The following C1orf54 variants were observed in gnomAD, a reference collection of about 807,000 sequenced individuals.
The protein encoded by C1orf54 is chromosome 1 open reading frame 54, also known as uncharacterized protein C1orf54.
C1orf54 carries 12 observed loss-of-function variants against 14.7 expected under a neutral mutation model. The ratio of observed to expected loss-of-function variants is 0.82; its 90% CI spans 0.52 to 1.32. C1orf54 has a LOEUF of 1.32. C1orf54 is among the 40% of genes most tolerant of loss of function. The probability of loss-of-function intolerance (pLI) is 0.00; values close to 1 mark genes in which losing one functional copy is unlikely to be tolerated. For missense variants in C1orf54, 163 were observed against 162.2 expected, an observed-to-expected ratio of 1.00 and a Z score of -0.03; for synonymous variants, 65 against 56.3, an observed-to-expected ratio of 1.16 and a Z score of -0.70.
chr1:150,274,742 G>C (rs1225322412), intron 2 of C1orf54, among the ~76,000 whole-genome samples: 1 of 151,772 alleles, frequency 6.6e-6, no homozygotes, highest in Non-Finnish European at 1.5e-5. Context: ...GTGAAACCCT[G>C]TCTCTACTAA....
In C1orf54 at chr1:150,272,824, G is replaced by A; in HGVS notation, c.7G>A (p.Val3Ile). The A allele has an allele frequency of 1.9e-6, 3 of 1,614,164 alleles. No homozygotes were observed. The African/African-American group carries it at 4.0e-5, about 22-fold the overall frequency. The change falls in exon 1 of 6, where the codon GTC (valine) becomes ATC (isoleucine). Residue 3 changes from valine (V) to isoleucine (I), a missense_variant. Coordinates refer to ENST00000369099, the MANE Select transcript of C1orf54 (RefSeq NM_024579.4). ...CAATAGTGCAGAATCCAGAATGGAT[G>A]TCCTCTTTGTAGCCATCTTTGCTGT... Reference protein sequence around the residue: MDVLFVAIFAVPL... With the variant: MDILFVAIFAVPL...
At chr1:150,270,995 C>CTATTAA (rs1164687166), upstream of C1orf54, among the ~76,000 whole-genome samples, 1 of 94,600 alleles carries the variant, frequency 1.1e-5, no homozygotes. Context: ...GACTCCGTCT[C>CTATTAA]AAAAAAAAAA....
upstream of C1orf54, among the ~76,000 whole-genome samples, chr1:150,270,141 T>C (rs1439442854): frequency 6.6e-6 from 1 of 151,942 alleles, no homozygotes; most frequent in Non-Finnish European, 1.5e-5. Context: ...AATCTGAGGA[T>C]GGAAAAGAGG....
At chr1:150,270,248 T>C (rs1185945705), upstream of C1orf54, among the ~76,000 whole-genome samples, 1 of 152,166 alleles carries the variant, frequency 6.6e-6, no homozygotes, top group Non-Finnish European at 1.5e-5. Context: ...CTTTCCTTCC[T>C]GGAAGTGATT....
At chr1:150,277,773 A>G (rs1195662227) in intron 4 of C1orf54, among the ~76,000 whole-genome samples, 1 of 152,180 alleles carries the variant, frequency 6.6e-6, no homozygotes, top group Non-Finnish European at 1.5e-5. Context: ...TAAGTTCTTC[A>G]TTATGGTAAA....
intron 4 of C1orf54, 115 bp from the exon 5 acceptor site, chr1:150,279,528 A>T: frequency 1.0e-6 from 1 of 968,654 alleles, no homozygotes; most frequent in Non-Finnish European, 1.6e-6. Context: ...CTAAGCCCAA[A>T]GGAAAGGAAG....
intron 4 of C1orf54, among the ~76,000 whole-genome samples, chr1:150,277,776 A>G (rs587623439): frequency 3.9e-5 from 6 of 152,236 alleles, no homozygotes; most frequent in South Asian, 4.2e-4. Context: ...GTTCTTCATT[A>G]TGGTAAAAAC....
intron 5 of C1orf54, among the ~76,000 whole-genome samples, chr1:150,280,578 G>A (rs1247173245): frequency 6.6e-6 from 1 of 152,188 alleles, no homozygotes; most frequent in East Asian, 1.9e-4. Context: ...GGCGGTGGGA[G>A]AGAAGGGAAG....
At chr1:150,276,839 T>TA (rs1307899311) in intron 4 of C1orf54, among the ~76,000 whole-genome samples, 3 of 152,200 alleles carry the variant, frequency 2.0e-5, no homozygotes, top group Non-Finnish European at 4.4e-5. Context: ...ATGGTACAGT[T>TA]AAATTTCAGT....
At chr1:150,277,254 T>G (rs1212175897) in intron 4 of C1orf54, among the ~76,000 whole-genome samples, 2 of 152,010 alleles carry the variant, frequency 1.3e-5, no homozygotes, top group Admixed American at 6.6e-5. Flanking sequence ...TCCCAGCACT[T>G]TGGGGAGGCC....
intron 1 of C1orf54, among the ~76,000 whole-genome samples, 171 bp from the exon 2 acceptor site, chr1:150,273,916 G>C (rs587708261): frequency 5.9e-5 from 9 of 152,292 alleles, no homozygotes; most frequent in African/African-American, 2.2e-4. Flanking sequence ...AAGACTGAGA[G>C]GGGTGTAGAG....
intron 1 of C1orf54, 29 bp downstream of exon 1, chr1:150,272,892 G>A (rs781825407): frequency 6.2e-7 from 1 of 1,613,384 alleles, no homozygotes; most frequent in East Asian, 2.2e-5. Context: ...CTGAGCTTTT[G>A]TGCCAGGTCT....
Position 150,279,659 on chromosome 1 carries a change from A to C in C1orf54, c.317A>C (p.Asp106Ala). 1 of 1,612,566 alleles carries C rather than the reference A, an allele frequency of 6.2e-7. No homozygotes were observed. Among genetic ancestry groups the C allele is most frequent in the Non-Finnish European group, 8.5e-7 (1 of 1,179,360 alleles). The change falls in exon 5 of 6, where the codon GAT becomes GCT. Residue 106 changes from aspartate (D) to alanine (A), a missense_variant. Physicochemically the swap from Asp to Ala is moderately radical, Grantham distance 126 (BLOSUM62 -2). Coordinates refer to ENST00000369099, the MANE Select transcript of C1orf54 (RefSeq NM_024579.4). ...TTTTAGCAGAGTCCAGATCTGAACG[A>C]TGCCGTGTCCAGTTTGCGAAGTCCT... ...VTTEPSPDLNDAVSSLRSPIP... is the reference protein window; with the variant it reads ...VTTEPSPDLNAAVSSLRSPIP...
At chr1:150,275,970 C>T (rs112309246) in intron 3 of C1orf54, among the ~76,000 whole-genome samples, 171 bp downstream of exon 3, 2 of 152,088 alleles carry the variant, frequency 1.3e-5, no homozygotes, top group Non-Finnish European at 2.9e-5. Flanking sequence ...AACCCCGTCT[C>T]TACTAAAAAT....
At chr1:150,279,490 A>T in intron 4 of C1orf54, 153 bp from the exon 5 acceptor site, 1 of 722,544 alleles carries the variant, frequency 1.4e-6, no homozygotes, top group Non-Finnish European at 2.3e-6. Flanking sequence ...AGGACTCCTT[A>T]CAGTGATGGG....
At chr1:150,273,607 G>C (rs1652385840) in intron 1 of C1orf54, among the ~76,000 whole-genome samples, 1 of 152,210 alleles carries the variant, frequency 6.6e-6, no homozygotes, top group Non-Finnish European at 1.5e-5. Context: ...GGATTGTTCA[G>C]GGTTATTCTG....
intron 1 of C1orf54, among the ~76,000 whole-genome samples, chr1:150,273,798 G>A (rs782165366): frequency 3.4e-4 from 52 of 152,180 alleles, no homozygotes; most frequent in Non-Finnish European, 6.5e-4. Context: ...TTTAGGTCTG[G>A]TTCTCCCTTT....
upstream of C1orf54, among the ~76,000 whole-genome samples, chr1:150,270,091 T>C (rs1453190680): frequency 6.6e-6 from 1 of 151,904 alleles, no homozygotes; most frequent in Non-Finnish European, 1.5e-5. Flanking sequence ...CTCATTTGGA[T>C]GGGGAGAGGT....
At chr1:150,268,927 A>C (rs1276522672), upstream of C1orf54, 3 of 836,672 alleles carry the variant, frequency 3.6e-6, no homozygotes, top group African/African-American at 3.5e-5. Context: ...GCGCGGTGCA[A>C]TGTCACCCCC....
Sources: gnomAD v4.1 joint callset for allele counts (sites outside exome capture counted in the v4.1 genomes callset) on GRCh38, gnomAD v4.1.1 for gene constraint, MANE v1.5 for transcripts, NCBI Gene and HGNC (gene_info 2026-07-23, HGNC 2026-07-21) for gene names.